CNTNAP2: variants seen among roughly 807,000 people sequenced by gnomAD.
The protein encoded by CNTNAP2 is contactin-associated protein-like 2.
A neutral mutation model predicts 155.2 loss-of-function variants in CNTNAP2; 98 were observed. That is an observed-to-expected ratio of 0.63 (90% CI 0.54 to 0.75). CNTNAP2 has a LOEUF of 0.75. CNTNAP2 is among the 30% of genes least tolerant of loss of function. The pLI, the probability that CNTNAP2 is intolerant of heterozygous loss-of-function variation, is 0.00. For synonymous variants in CNTNAP2, 651 were observed against 631.2 expected, an observed-to-expected ratio of 1.03 and a Z score of -0.47; for missense variants, 1,727 against 1,688.1, an observed-to-expected ratio of 1.02 and a Z score of -0.40.
chr7:146,158,095 G>T (rs1443128416), intron 1 of CNTNAP2, among the ~76,000 whole-genome samples: 1 of 152,216 alleles, frequency 6.6e-6, no homozygotes, highest in African/African-American at 2.4e-5. Context: ...CTGTTCTTCA[G>T]CCTCTGCTGG....
At position 146,928,765 on chromosome 7, in the gene CNTNAP2, C is replaced by T. The variant is rs574534179; in HGVS notation, c.402+88861C>T. On this transcript the variant is annotated intron_variant, in intron 3 of 23. Coordinates refer to ENST00000361727, the MANE Select transcript of CNTNAP2 (RefSeq NM_014141.6). Reference sequence around the variant, plus strand: ...GTGCTTTTCCGACAGGCTTAAAAAGCGGTGCACCAGGAGATTATATCCCGC... The same window carrying T: ...GTGCTTTTCCGACAGGCTTAAAAAGTGGTGCACCAGGAGATTATATCCCGC... 7.4e-4 allele frequency among the ~76,000 whole-genome samples: 113 copies of T among 152,294 alleles called. No homozygotes were observed. The Middle Eastern group carries it at 0.01, about 14-fold the overall frequency.
intron 13 of CNTNAP2, among the ~76,000 whole-genome samples, chr7:147,709,363 C>G (rs988160823): frequency 1.3e-5 from 2 of 152,162 alleles, no homozygotes; most frequent in African/African-American, 4.8e-5. Flanking sequence ...CAATAAAACT[C>G]TTGCAATCCT....
Position 146,557,946 on chromosome 7 carries a change from T to C in CNTNAP2, c.98-216325T>C, listed in dbSNP as rs180836235. ...AACACAACAATCAAATTCTACAACATTTTCAAACACTTATTAGCAATGAAA... is the reference window on the plus strand; with the variant it reads ...AACACAACAATCAAATTCTACAACACTTTCAAACACTTATTAGCAATGAAA... On this transcript the variant is annotated intron_variant, in intron 1 of 23. Transcript: ENST00000361727. Among the ~76,000 whole-genome samples, 473 of 152,306 alleles carry C rather than the reference T, an allele frequency of 3.1e-3. 1 individual carries two copies. The highest frequency in any genetic ancestry group is 0.02 in the Middle Eastern group (6 of 294).
chr7:148,367,240 T>G (rs1637865), intron 21 of CNTNAP2, among the ~76,000 whole-genome samples: 90 of 149,664 alleles, frequency 6.0e-4, no homozygotes, highest in East Asian at 2.2e-3. Context: ...AAAAAAAAAA[T>G]AAAAGAAAAG....
intron 1 of CNTNAP2, among the ~76,000 whole-genome samples, chr7:146,715,372 C>T (rs1801170216): frequency 6.6e-6 from 1 of 152,182 alleles, no homozygotes; most frequent in Admixed American, 6.5e-5. Context: ...GTCAAAGATA[C>T]TGTGAAATAC....
At chr7:148,156,598 T>C (rs751781981) in intron 17 of CNTNAP2, among the ~76,000 whole-genome samples, 1 of 152,168 alleles carries the variant, frequency 6.6e-6, no homozygotes, top group African/African-American at 2.4e-5. Context: ...TTTGTGCCAA[T>C]GTCTCTCAAA....
chr7:147,201,852 C>A (rs1453564409), intron 8 of CNTNAP2, among the ~76,000 whole-genome samples: 1 of 152,078 alleles, frequency 6.6e-6, no homozygotes, highest in Non-Finnish European at 1.5e-5. Flanking sequence ...GAGAAATAAT[C>A]TAGCATTGTA....
chr7:147,242,987 A>ATTTTTT (rs766917054), intron 8 of CNTNAP2, among the ~76,000 whole-genome samples: 2,059 of 47,098 alleles, frequency 0.044, 509 homozygotes, highest in African/African-American at 0.054. Context: ...TATGCTTTGC[A>ATTTTTT]TTTTTTTTTT....
chr7:146,360,859 T>G (rs536060505), intron 1 of CNTNAP2, among the ~76,000 whole-genome samples: 1 of 152,326 alleles, frequency 6.6e-6, no homozygotes, highest in African/African-American at 2.4e-5. Flanking sequence ...GAAGTGGCAC[T>G]TATTTCCCCA....
chr7:147,642,883 G>A lies in CNTNAP2; in HGVS notation c.2098+3577G>A, dbSNP rs954759437. Among the ~76,000 whole-genome samples the A allele has an allele frequency of 2.6e-4, 39 of 152,104 alleles. 1 individual carries two copies. Among genetic ancestry groups the A allele is most frequent in the Non-Finnish European group, 3.1e-4 (21 of 68,016 alleles). On this transcript the variant is annotated intron_variant, in intron 13 of 23. Transcript: ENST00000361727. ...CAAATCTTTGGTTCACATAGGATTTGTACTTAACAAATGTTTGCTGATTCA... is the reference window on the plus strand; with the variant it reads ...CAAATCTTTGGTTCACATAGGATTTATACTTAACAAATGTTTGCTGATTCA...
At chr7:146,846,003 C>A (rs929705022) in intron 3 of CNTNAP2, among the ~76,000 whole-genome samples, 20 of 152,110 alleles carry the variant, frequency 1.3e-4, no homozygotes, top group Admixed American at 1.1e-3. Flanking sequence ...AAAATCTGTT[C>A]CCAGTATAAA....
chr7:147,511,877 C>A (rs1048362315), intron 11 of CNTNAP2, among the ~76,000 whole-genome samples: 1 of 152,130 alleles, frequency 6.6e-6, no homozygotes, highest in Non-Finnish European at 1.5e-5. Flanking sequence ...AAGAAAATGC[C>A]TTCAAAGTGC....
intron 9 of CNTNAP2, among the ~76,000 whole-genome samples, chr7:147,379,579 A>G (rs1796498529): frequency 6.6e-6 from 1 of 152,108 alleles, no homozygotes; most frequent in Non-Finnish European, 1.5e-5. Context: ...TGTAAATTCA[A>G]AAGCTGTAAT....
chr7:146,378,304 T>C (rs1356512152), intron 1 of CNTNAP2, among the ~76,000 whole-genome samples: 2 of 152,146 alleles, frequency 1.3e-5, no homozygotes, highest in African/African-American at 4.8e-5. Flanking sequence ...TGGCTTGAAA[T>C]GTTGCCTTTT....
chr7:147,596,073 G>C (rs1352878423), intron 12 of CNTNAP2, among the ~76,000 whole-genome samples: 1 of 151,932 alleles, frequency 6.6e-6, no homozygotes, highest in Non-Finnish European at 1.5e-5. Flanking sequence ...TTTATATCTT[G>C]TTGTTTACCA....
chr7:147,928,207 CT>C (rs1800433583), intron 14 of CNTNAP2, among the ~76,000 whole-genome samples: 1 of 152,138 alleles, frequency 6.6e-6, no homozygotes, highest in Non-Finnish European at 1.5e-5. Context: ...CATTAAACCT[CT>C]TTTTCTTTAT....
intron 16 of CNTNAP2, among the ~76,000 whole-genome samples, chr7:148,144,836 T>A (rs1484756423): frequency 6.6e-6 from 1 of 152,170 alleles, no homozygotes; most frequent in Non-Finnish European, 1.5e-5. Context: ...TTGGCTCAAG[T>A]GTCTTTTATG....
rs546905634 is a variant in CNTNAP2 at position 146,782,808 on chromosome 7, C to T, written c.208+8427C>T. Reference sequence around the variant, plus strand: ...TGCATTGAAATATTAGTCTCTTTCCCATAAGTTACTCCCAGCTTCTAAAAA... The same window carrying T: ...TGCATTGAAATATTAGTCTCTTTCCTATAAGTTACTCCCAGCTTCTAAAAA... On this transcript the variant is annotated intron_variant, in intron 2 of 23. Transcript: ENST00000361727. 3.4e-4 allele frequency among the ~76,000 whole-genome samples: 51 copies of T among 152,216 alleles called. No homozygotes were observed. The South Asian group carries it at 0.01, about 30-fold the overall frequency.
Position 146,908,840 on chromosome 7 carries a change from TC to T in CNTNAP2, c.402+68937del, listed in dbSNP as rs1763068814. Among the ~76,000 whole-genome samples the T allele has an allele frequency of 2.4e-5, 3 of 127,438 alleles. No homozygotes were observed. The South Asian group carries it at 7.6e-4, about 32-fold the overall frequency. The allele number at this position is 127,438 out of a possible 152,430, so 83.6% of individuals were successfully genotyped here. ...AGGAAATAGAGACACAAAAAACCCTTCAAAAAAATCAATGAATCCAGGAACT... is the reference window on the plus strand; with the variant it reads ...AGGAAATAGAGACACAAAAAACCCTTAAAAAAATCAATGAATCCAGGAACT... On this transcript the variant is annotated intron_variant, in intron 3 of 23. Transcript: ENST00000361727.
Sources: allele counts gnomAD v4.1 joint callset (sites outside exome capture counted in the v4.1 genomes callset), GRCh38; gene constraint gnomAD v4.1.1; transcripts MANE v1.5; gene names NCBI Gene and HGNC (gene_info 2026-07-23, HGNC 2026-07-21).